Variants in LGR5 observed in about 807,000 individuals in gnomAD.
LGR5 encodes the protein leucine-rich repeat-containing G protein-coupled receptor 5.
LGR5 carries 54 observed loss-of-function variants against 76.7 expected under a neutral mutation model. The observed-to-expected ratio is 0.70, with a 90% CI of 0.57 to 0.88. The LOEUF (loss-of-function observed/expected upper bound fraction) is 0.88. Among genes scored for constraint, LGR5 ranks in the 40% least tolerant of loss-of-function variants. The pLI is 0.00. For synonymous variants in LGR5, 406 were observed against 421.9 expected (o/e 0.96, Z 0.46); for missense variants, 1,078 against 1,073.3 (o/e 1.00, Z -0.06).
At chr12:71,568,730 C>G (rs1270577527) in intron 11 of LGR5, among the ~76,000 whole-genome samples, 1 of 152,168 alleles carries the variant, frequency 6.6e-6, no homozygotes, top group Non-Finnish European at 1.5e-5. Flanking sequence ...AGAGCCTCAC[C>G]CCTAGTACAA....
chr12:71,492,171 G>T (rs1592486756), intron 1 of LGR5, among the ~76,000 whole-genome samples: 1 of 152,122 alleles, frequency 6.6e-6, no homozygotes, highest in Non-Finnish European at 1.5e-5. Context: ...GTTGGGGTTG[G>T]TATAAGTTTG....
intron 1 of LGR5, among the ~76,000 whole-genome samples, chr12:71,473,616 A>G (rs1873193701): frequency 6.6e-6 from 1 of 151,338 alleles, no homozygotes; most frequent in African/African-American, 2.4e-5. Flanking sequence ...ACTACAAAAT[A>G]TTTTTATTAA....
At chr12:71,453,436 C>T (rs956383412) in intron 1 of LGR5, among the ~76,000 whole-genome samples, 4 of 151,136 alleles carry the variant, frequency 2.6e-5, no homozygotes, top group Admixed American at 6.6e-5. Context: ...AATTTGTAGT[C>T]CTGGGTTTGA....
At chr12:71,544,695 C>A (rs558734824) in intron 4 of LGR5, among the ~76,000 whole-genome samples, 2 of 152,078 alleles carry the variant, frequency 1.3e-5, no homozygotes, top group South Asian at 4.2e-4. Flanking sequence ...TCCAATGATC[C>A]ACTGATTCCA....
At chr12:71,545,230 G>C (rs1170492465) in intron 4 of LGR5, among the ~76,000 whole-genome samples, 3 of 152,204 alleles carry the variant, frequency 2.0e-5, no homozygotes, top group Non-Finnish European at 4.4e-5. Flanking sequence ...AGGATCACTT[G>C]AGATCAGGAG....
At chr12:71,444,281 G>A (rs984426629) in intron 1 of LGR5, among the ~76,000 whole-genome samples, 1 of 151,992 alleles carries the variant, frequency 6.6e-6, no homozygotes, top group African/African-American at 2.4e-5. Flanking sequence ...TTTTAGAATT[G>A]TTTAAAATAT....
intron 1 of LGR5, among the ~76,000 whole-genome samples, chr12:71,448,084 A>AACACAC (rs35911721): frequency 0.022 from 3,184 of 145,666 alleles, 118 homozygotes; most frequent in African/African-American, 0.076. Context: ...CACACACACA[A>AACACAC]ACACACACAC....
Position 71,574,943 on chromosome 12 carries a change from A to G in LGR5, c.1208+2022A>G, listed in dbSNP as rs1432900298. Among the ~76,000 whole-genome samples, 9 of 152,208 alleles carry G rather than the reference A, an allele frequency of 5.9e-5. No individual in the cohort carries two copies. In the East Asian group the frequency reaches 1.5e-3, roughly 26 times the overall value. ...ACAATAAGAACTTTTTCAGGTTCCCATAAATTAAAATTTCAGTAAAACTTC... is the reference window on the plus strand; with the variant it reads ...ACAATAAGAACTTTTTCAGGTTCCCGTAAATTAAAATTTCAGTAAAACTTC... On this transcript the variant is annotated intron_variant, in intron 13 of 17. Transcript: ENST00000266674.
intron 3 of LGR5, among the ~76,000 whole-genome samples, chr12:71,526,083 T>G (rs1414205672): frequency 6.6e-6 from 1 of 152,058 alleles, no homozygotes; most frequent in African/African-American, 2.4e-5. Flanking sequence ...TTACTTAGAG[T>G]AGACATTCAA....
intron 4 of LGR5, among the ~76,000 whole-genome samples, chr12:71,549,468 T>A (rs6421233): frequency 0.19 from 28,834 of 152,148 alleles, 2,867 homozygotes; most frequent in African/African-American, 0.24. Context: ...CAAAAAAATG[T>A]TAAGTATGTG....
rs761711618 is a variant in LGR5 at position 71,584,131 on chromosome 12, C to T, written c.2121C>T (p.Gly707=). 50 of 1,614,060 alleles carry T rather than the reference C, an allele frequency of 3.1e-5. No individual in the cohort carries two copies. The highest frequency in any genetic ancestry group is 2.7e-4 in the South Asian group (25 of 91,088). ...AVPLLGGSKY[G]ASPLCLPLPF... ...CCCTGCTGGGTGGCAGCAAGTATGG[C>T]GCCTCCCCTCTCTGCCTGCCTTTGC... Residue 707 remains glycine (G), a synonymous_variant, in exon 18 of 18, where the codon GGC becomes GGT. Coordinates refer to ENST00000266674, the MANE Select transcript of LGR5 (RefSeq NM_003667.4).
chr12:71,469,659 C>T (rs1280044337), intron 1 of LGR5, among the ~76,000 whole-genome samples: 6 of 152,212 alleles, frequency 3.9e-5, no homozygotes, highest in African/African-American at 1.4e-4. Flanking sequence ...AAAGGATAAA[C>T]GCATGAAGGC....
At chr12:71,560,435 G>A (rs1470182383) in intron 7 of LGR5, among the ~76,000 whole-genome samples, 1 of 152,162 alleles carries the variant, frequency 6.6e-6, no homozygotes, top group Admixed American at 6.6e-5. Flanking sequence ...GGAGGAAGAG[G>A]AAGAGGAGAT....
intron 1 of LGR5, among the ~76,000 whole-genome samples, chr12:71,489,300 G>A (rs1873963465): frequency 6.6e-6 from 1 of 152,018 alleles, no homozygotes; most frequent in South Asian, 2.1e-4. Flanking sequence ...ATGAGTAATG[G>A]CGTACAGGAC....
chr12:71,529,130 G>A (rs1385420017), intron 3 of LGR5, among the ~76,000 whole-genome samples: 2 of 152,080 alleles, frequency 1.3e-5, no homozygotes, highest in East Asian at 1.9e-4. Context: ...TTTTAATAAA[G>A]GTTATTTCCT....
intron 1 of LGR5, among the ~76,000 whole-genome samples, chr12:71,500,886 A>C (rs1874568923): frequency 6.6e-6 from 1 of 152,228 alleles, no homozygotes; most frequent in Non-Finnish European, 1.5e-5. Flanking sequence ...TAAGAGGTGG[A>C]TCAGAGACAG....
At chr12:71,462,351 G>A (rs1461990528) in intron 1 of LGR5, among the ~76,000 whole-genome samples, 1 of 152,124 alleles carries the variant, frequency 6.6e-6, no homozygotes, top group Non-Finnish European at 1.5e-5. Context: ...TTCATTAGCA[G>A]ATTGAAATCC....
In LGR5 at chr12:71,440,847, C is replaced by T. The variant is rs374815342; in HGVS notation, c.212+555C>T. 1.3e-5 allele frequency among the ~76,000 whole-genome samples: 2 copies of T among 152,104 alleles called. No individual in the cohort carries two copies. The highest frequency in any genetic ancestry group is 4.1e-4 in the South Asian group (2 of 4,822). The stretch of plus-strand genomic sequence containing the variant: ...CTTTTCCTCCCTTCCTTCCTCCCTT[C>T]TTCCTTCCTTCCCTCCCTCCTTTCT... On this transcript the variant is annotated intron_variant, in intron 1 of 17. Transcript: ENST00000266674. This position sits in a 1 kb window ranked among gnomAD's most constrained non-coding sequence, Gnocchi z 5.3.
chr12:71,467,352 T>C (rs1158091074), intron 1 of LGR5, among the ~76,000 whole-genome samples: 1 of 152,174 alleles, frequency 6.6e-6, no homozygotes, highest in South Asian at 2.1e-4. Context: ...TGTTCAAGAT[T>C]TCACTGATGA....
Sources: allele counts gnomAD v4.1 joint callset (sites outside exome capture counted in the v4.1 genomes callset), GRCh38; gene constraint gnomAD v4.1.1; non-coding constraint Gnocchi (gnomAD v3.1); transcripts MANE v1.5; gene names NCBI Gene and HGNC (gene_info 2026-07-23, HGNC 2026-07-21).